The following PSMD11 variants were observed in gnomAD, a reference collection of about 807,000 sequenced individuals.
The protein encoded by PSMD11 is proteasome 26S subunit, non-ATPase 11.
A neutral mutation model predicts 62.3 loss-of-function variants in PSMD11; 5 were observed. That is an observed-to-expected ratio of 0.08 (90% CI 0.04 to 0.17). The LOEUF is 0.17. Among genes scored for constraint, PSMD11 ranks in the 10% least tolerant of loss-of-function variants. The pLI, the probability that PSMD11 is intolerant of heterozygous loss-of-function variation, is 1.00. For synonymous variants in PSMD11, 191 were observed against 191.8 expected (o/e 1.00, Z 0.03); for missense variants, 310 against 512.9 (o/e 0.60, Z 3.82).
chr17:32,480,299 C>G, intron 12 of PSMD11, 102 bp downstream of exon 12: 2 of 1,516,140 alleles, frequency 1.3e-6, no homozygotes, highest in Non-Finnish European at 1.8e-6. Flanking sequence ...CCCGATGGTT[C>G]ACCCTGGGGT....
chr17:32,458,482 TC>T (rs1907714306), intron 3 of PSMD11, among the ~76,000 whole-genome samples: 1 of 152,218 alleles, frequency 6.6e-6, no homozygotes, highest in South Asian at 2.1e-4. Context: ...ACTCTTTCCT[TC>T]CTGACTTTAA....
chr17:32,475,422 G>A (rs1258673696), intron 8 of PSMD11, among the ~76,000 whole-genome samples: 1 of 151,662 alleles, frequency 6.6e-6, no homozygotes. Flanking sequence ...ATGACGTCTA[G>A]ACTGTCTCCT....
chr17:32,467,600 T>C (rs1908034916), intron 5 of PSMD11, among the ~76,000 whole-genome samples: 1 of 152,138 alleles, frequency 6.6e-6, no homozygotes, highest in South Asian at 2.1e-4. Flanking sequence ...TATTTTTTAA[T>C]TGGTTATTTG....
At chr17:32,470,079 C>T (rs1277080471) in intron 6 of PSMD11, among the ~76,000 whole-genome samples, 1 of 151,338 alleles carries the variant, frequency 6.6e-6, no homozygotes, top group Non-Finnish European at 1.5e-5. Flanking sequence ...GTGGTGCAGT[C>T]ACAGCTTACC....
intron 7 of PSMD11, 43 bp from the exon 8 acceptor site, chr17:32,474,694 AAATTTGCCCAAACCTTCCTTTAGAAGC>A: frequency 6.8e-7 from 1 of 1,471,420 alleles, no homozygotes; most frequent in Non-Finnish European, 9.5e-7. Context: ...TGTTAAAAAG[AAATTTGCCCAAACCTTCCTTTAGAAGC>A]ATAACATCTG....
At chr17:32,444,843 AC>A (rs1048842143) in intron 1 of PSMD11, 2 of 568,794 alleles carry the variant, frequency 3.5e-6, no homozygotes, top group African/African-American at 4.0e-5. Flanking sequence ...CTGCTGACTC[AC>A]GGGGGGCTCA....
At chr17:32,459,935 A>G (rs1210468606) in intron 3 of PSMD11, among the ~76,000 whole-genome samples, 1 of 152,036 alleles carries the variant, frequency 6.6e-6, no homozygotes, top group African/African-American at 2.4e-5. Context: ...CCTTGTTCTT[A>G]GTTCTTTTAA....
Position 32,481,808 on chromosome 17 carries a change from C to T in PSMD11, c.*1056C>T, listed in dbSNP as rs978266050. On this transcript the variant is annotated 3_prime_UTR_variant, in exon 14 of 14. Coordinates refer to ENST00000261712, the MANE Select transcript of PSMD11 (RefSeq NM_002815.4). The stretch of plus-strand genomic sequence containing the variant: ...AGACTGTGGGGTGTGGTTTCTCTCT[C>T]TCTTTTTTTTTTAATTTTCTTTGTT... 1.3e-5 allele frequency: 2 copies of T among 151,990 alleles called. No homozygotes were observed. The highest frequency in any genetic ancestry group is 2.9e-5 in the Non-Finnish European group (2 of 67,990). 9.4% of individuals were successfully genotyped at this position (151,990 alleles called of 1,614,324 possible). A position where few individuals can be genotyped will look rare whatever the true frequency, so the allele number is the denominator to read the frequency against.
chr17:32,453,317 A>G (rs147944810), intron 2 of PSMD11, among the ~76,000 whole-genome samples: 1 of 152,350 alleles, frequency 6.6e-6, no homozygotes, highest in Admixed American at 6.5e-5. Flanking sequence ...ATAGACTGAG[A>G]AGATGGCAAG....
rs1907626864 is a variant in PSMD11 at position 32,455,655 on chromosome 17, A to G, written c.318+1036A>G. On this transcript the variant is annotated intron_variant, in intron 3 of 13. Coordinates refer to ENST00000261712, the MANE Select transcript of PSMD11 (RefSeq NM_002815.4). ...TTCTTTGAATCCTGATTTAAACACT[A>G]TATACTAACTTTATTTGTAGAAAAT... Among the ~76,000 whole-genome samples, 4 of 152,222 alleles carry G rather than the reference A, an allele frequency of 2.6e-5. No homozygotes were observed. In the South Asian group the frequency reaches 8.3e-4, roughly 32 times the overall value.
At chr17:32,447,322 A>T (rs887371321) in intron 2 of PSMD11, 5 of 293,402 alleles carry the variant, frequency 1.7e-5, no homozygotes, top group Non-Finnish European at 3.1e-5. Context: ...ATTCCCTTAC[A>T]TAGAGGCAGC....
intron 1 of PSMD11, among the ~76,000 whole-genome samples, chr17:32,446,379 C>T (rs1023862847): frequency 3.3e-5 from 5 of 152,190 alleles, no homozygotes; most frequent in African/African-American, 1.2e-4. Flanking sequence ...TGTAGCTGTG[C>T]AGGATCTGGG....
intron 2 of PSMD11, among the ~76,000 whole-genome samples, chr17:32,448,684 C>T (rs567228206): frequency 6.6e-6 from 1 of 152,120 alleles, no homozygotes. Context: ...AGTGGTTACT[C>T]TTCTAAACAC....
At chr17:32,459,111 A>AAAACATAT (rs1404996945) in intron 3 of PSMD11, among the ~76,000 whole-genome samples, 1 of 43,778 alleles carries the variant, frequency 2.3e-5, no homozygotes, top group Non-Finnish European at 5.2e-5. Context: ...AAAAAAAAAA[A>AAAACATAT]ATACATATAT....
At chr17:32,447,546 C>A (rs1421267824) in intron 2 of PSMD11, among the ~76,000 whole-genome samples, 1 of 152,154 alleles carries the variant, frequency 6.6e-6, no homozygotes, top group Non-Finnish European at 1.5e-5. Context: ...CATCATTGCT[C>A]AAACATTCTA....
chr17:32,473,964 T>C lies in PSMD11; in HGVS notation c.788+19T>C. 1 of 1,613,164 alleles carries C rather than the reference T, an allele frequency of 6.2e-7. No individual in the cohort carries two copies. The highest frequency in any genetic ancestry group is 1.7e-4 in the Middle Eastern group (1 of 5,822). ...TCAACACGTAGGTGCACCTTAACTC[T>C]GGACTACAAGAACTCAGATCCTTCA... On this transcript the variant is annotated intron_variant, in intron 7 of 13. Transcript: ENST00000261712.
intron 12 of PSMD11, 87 bp from the exon 13 acceptor site, chr17:32,480,400 CAG>C (rs1469165700): frequency 6.6e-6 from 10 of 1,521,018 alleles, no homozygotes; most frequent in Non-Finnish European, 9.1e-6. Flanking sequence ...TTTCTGGACA[CAG>C]TGAGTCAACT....
At chr17:32,478,778 G>A (rs1019937131) in intron 9 of PSMD11, among the ~76,000 whole-genome samples, 5 of 152,108 alleles carry the variant, frequency 3.3e-5, no homozygotes, top group South Asian at 2.1e-4. Context: ...AGAAATGCTT[G>A]TGTAGCTAAT....
chr17:32,447,868 A>AT (rs56928936), intron 2 of PSMD11, among the ~76,000 whole-genome samples: 2 of 147,218 alleles, frequency 1.4e-5, no homozygotes, highest in African/African-American at 2.5e-5. Flanking sequence ...AGAACTAAAG[A>AT]TTTTTTTTTT....
Sources: gnomAD v4.1 joint callset for allele counts (sites outside exome capture counted in the v4.1 genomes callset) on GRCh38, gnomAD v4.1.1 for gene constraint, MANE v1.5 for transcripts, NCBI Gene and HGNC (gene_info 2026-07-23, HGNC 2026-07-21) for gene names.